STEAP3: variants seen among roughly 807,000 people sequenced by gnomAD.
The protein encoded by STEAP3 is metalloreductase STEAP3.
A neutral mutation model predicts 34.9 loss-of-function variants in STEAP3; 35 were observed. The observed-to-expected ratio is 1.00, with a 90% CI of 0.76 to 1.33. The LOEUF (loss-of-function observed/expected upper bound fraction) is 1.33. STEAP3 is among the 40% of genes most tolerant of loss of function. STEAP3 has a pLI of 0.00. For missense variants in STEAP3, 652 were observed against 667.6 expected, an observed-to-expected ratio of 0.98 and a Z score of 0.26; for synonymous variants, 281 against 301.6, an observed-to-expected ratio of 0.93 and a Z score of 0.71.
At position 119,245,684 on chromosome 2, in the gene STEAP3, G is replaced by A. The variant is rs369037419; in HGVS notation, c.218G>A (p.Arg73His). 15 of 1,613,600 alleles carry A rather than the reference G, an allele frequency of 9.3e-6. No individual in the cohort carries two copies. Among genetic ancestry groups the A allele is most frequent in the East Asian group, 2.2e-5 (1 of 44,868 alleles). ...KVVVGSRNPK[R>H]TARLFPSAAQ... ...GTGGTGGGGAGCCGCAACCCCAAACGCACAGCCAGGCTGTTTCCCTCAGCG... is the reference window on the plus strand; with the variant it reads ...GTGGTGGGGAGCCGCAACCCCAAACACACAGCCAGGCTGTTTCCCTCAGCG... Residue 73 changes from arginine (R) to histidine (H), a missense_variant, in exon 3 of 6, where the codon CGC becomes CAC. Coordinates refer to ENST00000393110, the MANE Select transcript of STEAP3 (RefSeq NM_182915.3).
Position 119,263,117 on chromosome 2 carries a change from AC to A in STEAP3, c.1279del (p.Arg427AlafsTer127), listed in dbSNP as rs1243039641. Reference protein sequence around the residue: ...STLHTLTYGWTRAFEESRYKF... With the variant: ...STLHTLTYGWXRAFEESRYKF... The stretch of plus-strand genomic sequence containing the variant: ...ACTGCACACGCTCACCTACGGCTGG[AC>A]CCGCGCCTTCGAGGAGAGCCGCTAC... On this transcript the variant is annotated frameshift_variant, in exon 6 of 6. Coordinates refer to ENST00000393110, the MANE Select transcript of STEAP3 (RefSeq NM_182915.3). LOFTEE classifies it high-confidence loss of function. 11 of 1,612,426 alleles carry A rather than the reference AC, an allele frequency of 6.8e-6. No homozygotes were observed. Among genetic ancestry groups the A allele is most frequent in the African/African-American group, 1.3e-5 (1 of 74,956 alleles).
At chr2:119,241,075 C>T (rs777912816) in intron 2 of STEAP3, among the ~76,000 whole-genome samples, 1 of 151,972 alleles carries the variant, frequency 6.6e-6, no homozygotes, top group Non-Finnish European at 1.5e-5. Flanking sequence ...TGCACACACA[C>T]ACACACATGC....
intron 1 of STEAP3, among the ~76,000 whole-genome samples, chr2:119,224,962 T>C (rs2104780204): frequency 6.6e-6 from 1 of 152,230 alleles, no homozygotes; most frequent in African/African-American, 2.4e-5. Context: ...GAAGTAGAAT[T>C]TGAACCCAGA....
intron 4 of STEAP3, among the ~76,000 whole-genome samples, chr2:119,250,386 C>T (rs1196690615): frequency 6.6e-6 from 1 of 152,248 alleles, no homozygotes; most frequent in African/African-American, 2.4e-5. Flanking sequence ...GAGCAAGTCA[C>T]AGCCCCTCTT....
intron 4 of STEAP3, 29 bp from the exon 5 acceptor site, chr2:119,254,655 G>A (rs369369805): frequency 3.7e-6 from 6 of 1,613,574 alleles, no homozygotes; most frequent in South Asian, 3.3e-5. Flanking sequence ...TTGCCACAGT[G>A]TTCATGGTTT....
intron 5 of STEAP3, among the ~76,000 whole-genome samples, chr2:119,256,606 A>G (rs1677780579): frequency 6.6e-6 from 1 of 152,244 alleles, no homozygotes; most frequent in Admixed American, 6.5e-5. Context: ...TACTTTACAT[A>G]TTAAAGAGTG....
chr2:119,237,199 A>G (rs1235456859), intron 2 of STEAP3, among the ~76,000 whole-genome samples: 2 of 152,216 alleles, frequency 1.3e-5, no homozygotes, highest in African/African-American at 4.8e-5. Flanking sequence ...TCACCTTAGT[A>G]ACCTGCAAGG....
chr2:119,248,059 C>T lies in STEAP3; in HGVS notation c.903C>T (p.Phe301=). ...QLRRGTKYQR[F]PDWLDHWLQH... ...GGCGCGGCACCAAGTACCAGCGCTT[C>T]CCCGACTGGCTGGACCACTGGCTAC... is the stretch of plus-strand genomic sequence containing the variant. Residue 301 remains phenylalanine, a synonymous_variant, in exon 4 of 6, where the codon TTC becomes TTT. Coordinates refer to ENST00000393110, the MANE Select transcript of STEAP3 (RefSeq NM_182915.3). 1 of 1,608,746 alleles carries T rather than the reference C, an allele frequency of 6.2e-7. No homozygotes were observed.
intron 1 of STEAP3, among the ~76,000 whole-genome samples, chr2:119,230,089 C>G (rs553079743): frequency 6.6e-6 from 1 of 152,116 alleles, no homozygotes; most frequent in Admixed American, 6.5e-5. Context: ...TAAAGATGCC[C>G]GGGATACTTA....
rs938745927 is a variant in STEAP3 at position 119,264,632 on chromosome 2, C to T, written c.*1294C>T. On this transcript the variant is annotated 3_prime_UTR_variant, in exon 6 of 6. Transcript: ENST00000393110. ...AAGAAACAGGTGTTCTCGGCTGAGC[C>T]CCCAACCCTCTGCAGAACCAGGTTG... 2 of 152,210 alleles carry T rather than the reference C, an allele frequency of 1.3e-5. No homozygotes were observed. Among genetic ancestry groups the T allele is most frequent in the African/African-American group, 4.8e-5 (2 of 41,406 alleles). The allele number at this position is 152,210 out of a possible 1,614,324, so 9.4% of individuals were successfully genotyped here. A position where few individuals can be genotyped will look rare whatever the true frequency, so the allele number is the denominator to read the frequency against.
At position 119,254,773 on chromosome 2, in the gene STEAP3, G is replaced by T; in HGVS notation, c.1140G>T (p.Thr380=). 6.2e-7 allele frequency: 1 copy of T among 1,614,186 alleles called. No homozygotes were observed. The highest frequency in any genetic ancestry group is 8.5e-7 in the Non-Finnish European group (1 of 1,180,044). The change falls in exon 5 of 6, where the codon ACG becomes ACT. Residue 380 remains threonine, a synonymous_variant. Coordinates refer to ENST00000393110, the MANE Select transcript of STEAP3 (RefSeq NM_182915.3). ...YLSLGVLALG[T]LSLLAVTSLP... ...CCCTGGGAGTGCTGGCCCTCGGCAC[G>T]TTGTCCCTGCTGGCCGTGACCTCAC...
At chr2:119,260,756 C>T (rs576445740) in intron 5 of STEAP3, among the ~76,000 whole-genome samples, 1 of 152,342 alleles carries the variant, frequency 6.6e-6, no homozygotes, top group South Asian at 2.1e-4. Context: ...TTATGTGCAA[C>T]TGACAGTCAA....
In STEAP3 at chr2:119,230,936, C is replaced by G. The variant is rs147247211; in HGVS notation, c.-77C>G. On this transcript the variant is annotated 5_prime_UTR_variant, in exon 2 of 6. Coordinates refer to ENST00000393110, the MANE Select transcript of STEAP3 (RefSeq NM_182915.3). ...AAAGCCAGGCTGTCCTGGTTGGAGACTGAGCCAGAAAGGGTGGCTCACCTC... is the reference window on the plus strand; with the variant it reads ...AAAGCCAGGCTGTCCTGGTTGGAGAGTGAGCCAGAAAGGGTGGCTCACCTC... 0.012 allele frequency: 19,480 copies of G among 1,592,834 alleles called. 181 individuals are homozygous for G. The highest frequency in any genetic ancestry group is 0.017 in the South Asian group (1,509 of 90,714).
chr2:119,263,406 TTTCTTGGTGGTG>T lies in STEAP3; in HGVS notation c.*69_*80del, dbSNP rs1198589040. The stretch of plus-strand genomic sequence containing the variant: ...GTGCCCTGAGCCCGTTAGGTTTTCT[TTTCTTGGTGGTG>T]CAAAGTGGTATAACTGTGTGCAAAT... On this transcript the variant is annotated 3_prime_UTR_variant, in exon 6 of 6. Transcript: ENST00000393110. 1 of 1,555,768 alleles carries T rather than the reference TTTCTTGGTGGTG, an allele frequency of 6.4e-7. No individual in the cohort carries two copies. Among genetic ancestry groups the T allele is most frequent in the African/African-American group, 1.4e-5 (1 of 73,530 alleles).
chr2:119,238,398 T>C (rs962614782), intron 2 of STEAP3, among the ~76,000 whole-genome samples: 2 of 152,374 alleles, frequency 1.3e-5, no homozygotes, highest in East Asian at 3.9e-4. Context: ...GGGCTAATGA[T>C]GCTGAACATC....
chr2:119,257,528 C>T, intron 5 of STEAP3: 6 of 1,545,108 alleles, frequency 3.9e-6, no homozygotes, highest in Non-Finnish European at 5.2e-6. Context: ...CCCAAGACCC[C>T]CACTTACCTG....
At position 119,265,399 on chromosome 2, in the gene STEAP3, G is replaced by A. The variant is rs1373387743; in HGVS notation, c.*2061G>A. 6.6e-6 allele frequency: 1 copy of A among 152,224 alleles called. No homozygotes were observed. Among genetic ancestry groups the A allele is most frequent in the Non-Finnish European group, 1.5e-5 (1 of 68,066 alleles). The allele number at this position is 152,224 out of a possible 1,614,324, so 9.4% of individuals were successfully genotyped here. ...GGGCTGTGTACTGGGCCCTGACTGT[G>A]CGTCCACTGCTGTCTTCCCTACCTC... On this transcript the variant is annotated 3_prime_UTR_variant, in exon 6 of 6. Coordinates refer to ENST00000393110, the MANE Select transcript of STEAP3 (RefSeq NM_182915.3).
chr2:119,260,369 A>G (rs1029561299), intron 5 of STEAP3, among the ~76,000 whole-genome samples: 11 of 151,138 alleles, frequency 7.3e-5, no homozygotes, highest in Non-Finnish European at 1.5e-4. Flanking sequence ...CTGGAGTGCA[A>G]TGGCGTGATT....
chr2:119,240,480 A>C (rs1308798054), intron 2 of STEAP3, among the ~76,000 whole-genome samples: 1 of 152,192 alleles, frequency 6.6e-6, no homozygotes, highest in Non-Finnish European at 1.5e-5. Flanking sequence ...CTGGCCACTC[A>C]TGTCTGAAAG....
Sources: gnomAD v4.1 joint callset for allele counts (sites outside exome capture counted in the v4.1 genomes callset) on GRCh38, gnomAD v4.1.1 for gene constraint, MANE v1.5 for transcripts, NCBI Gene and HGNC (gene_info 2026-07-23, HGNC 2026-07-21) for gene names.